The following ZDHHC2 variants were observed in gnomAD, a reference collection of about 807,000 sequenced individuals.
The protein encoded by ZDHHC2 is palmitoyltransferase ZDHHC2.
ZDHHC2 carries 51 observed loss-of-function variants against 55.6 expected under a neutral mutation model. The observed-to-expected ratio is 0.92, with a 90% CI of 0.73 to 1.16. The LOEUF (loss-of-function observed/expected upper bound fraction) is 1.16. ZDHHC2 is among the 50% of genes most tolerant of loss of function. ZDHHC2 has a pLI of 0.00. For missense variants in ZDHHC2, 491 were observed against 442.4 expected, an observed-to-expected ratio of 1.11 and a Z score of -0.99; for synonymous variants, 199 against 152.9, an observed-to-expected ratio of 1.30 and a Z score of -2.22.
chr8:17,186,873 A>G (rs1805739271), intron 3 of ZDHHC2, among the ~76,000 whole-genome samples: 1 of 152,204 alleles, frequency 6.6e-6, no homozygotes, highest in African/African-American at 2.4e-5. Flanking sequence ...CCAGGTGCCC[A>G]CACTCCTTCT....
At chr8:17,190,515 T>C (rs1429921995) in intron 3 of ZDHHC2, among the ~76,000 whole-genome samples, 2 of 152,160 alleles carry the variant, frequency 1.3e-5, no homozygotes, top group African/African-American at 2.4e-5. Flanking sequence ...ACTGAAAACA[T>C]GTGAATTAAA....
chr8:17,210,007 G>A lies in ZDHHC2; in HGVS notation c.806G>A (p.Arg269Gln), dbSNP rs567641948. ...AGCTTGGGTTTCAGTAAAAACATGC[G>A]ACAAGTTTTTGGTGATGAGAAGAAG... ...GFSLGFSKNM[R>Q]QVFGDEKKYW... The change falls in exon 9 of 13, where the codon CGA (arginine) becomes CAA (glutamine). Residue 269 changes from arginine to glutamine, a missense_variant. Coordinates refer to ENST00000262096, the MANE Select transcript of ZDHHC2 (RefSeq NM_016353.5). 2.1e-5 allele frequency: 34 copies of A among 1,609,852 alleles called. 1 individual carries two copies. Among genetic ancestry groups the A allele is most frequent in the Admixed American group, 1.5e-4 (9 of 59,472 alleles).
intron 6 of ZDHHC2, among the ~76,000 whole-genome samples, chr8:17,204,663 A>G (rs1807005968): frequency 6.6e-6 from 1 of 152,062 alleles, no homozygotes; most frequent in Non-Finnish European, 1.5e-5. Context: ...TTTTGGAGGG[A>G]GGAGGGTGGG....
At chr8:17,217,947 C>G (rs899736829) in intron 12 of ZDHHC2, among the ~76,000 whole-genome samples, 1 of 152,172 alleles carries the variant, frequency 6.6e-6, no homozygotes, top group Non-Finnish European at 1.5e-5. Context: ...AGCAAGATAA[C>G]TCTCTCTTTA....
At chr8:17,212,919 G>C (rs922203115) in intron 10 of ZDHHC2, among the ~76,000 whole-genome samples, 4 of 152,034 alleles carry the variant, frequency 2.6e-5, no homozygotes, top group Non-Finnish European at 5.9e-5. Flanking sequence ...CCGGAGTGCA[G>C]TTTTGTGATC....
At chr8:17,204,684 A>C (rs2959619) in intron 6 of ZDHHC2, among the ~76,000 whole-genome samples, 1 of 151,960 alleles carries the variant, frequency 6.6e-6, no homozygotes, top group Admixed American at 6.6e-5. Flanking sequence ...AGGAGGAAGA[A>C]GGCTAAGCAA....
intron 6 of ZDHHC2, among the ~76,000 whole-genome samples, chr8:17,203,420 C>T (rs113581960): frequency 3.3e-5 from 5 of 151,892 alleles, no homozygotes; most frequent in Non-Finnish European, 7.4e-5. Flanking sequence ...TTAGTAGAGA[C>T]GGGTTTTCAC....
At chr8:17,194,397 A>G (rs888661780) in intron 3 of ZDHHC2, among the ~76,000 whole-genome samples, 1 of 150,402 alleles carries the variant, frequency 6.6e-6, no homozygotes. Context: ...CACTACTTAA[A>G]GAATAATTAA....
chr8:17,156,887 C>T (rs1804080458), intron 1 of ZDHHC2, 34 bp downstream of exon 1: 2 of 1,473,464 alleles, frequency 1.4e-6, no homozygotes, highest in East Asian at 6.1e-5. Flanking sequence ...GCCCCCAGCG[C>T]AGCGCAGCCC....
At chr8:17,165,708 A>G (rs1743977823) in intron 1 of ZDHHC2, among the ~76,000 whole-genome samples, 1 of 152,222 alleles carries the variant, frequency 6.6e-6, no homozygotes, top group Admixed American at 6.5e-5. Flanking sequence ...ACAGTTTGTT[A>G]GAGGATCATC....
At chr8:17,211,962 T>G (rs1807406992) in intron 10 of ZDHHC2, among the ~76,000 whole-genome samples, 1 of 152,180 alleles carries the variant, frequency 6.6e-6, no homozygotes, top group Non-Finnish European at 1.5e-5. Flanking sequence ...TTTTGCCCTT[T>G]GTGTTTTTTT....
rs983418779 is a variant in ZDHHC2 at position 17,221,140 on chromosome 8, T to C, written c.*919T>C. On this transcript the variant is annotated 3_prime_UTR_variant, in exon 13 of 13. Transcript: ENST00000262096. ...TCAATAGATTTACCCTCCAGTGATA[T>C]CTATATTATTTCTTTCTCGTCTCAT... is the stretch of plus-strand genomic sequence containing the variant. 3 of 152,582 alleles carry C rather than the reference T, an allele frequency of 2.0e-5. No homozygotes were observed. Among genetic ancestry groups the C allele is most frequent in the African/African-American group, 7.2e-5 (3 of 41,450 alleles). 9.5% of individuals were successfully genotyped at this position (152,582 alleles called of 1,614,324 possible). A position where few individuals can be genotyped will look rare whatever the true frequency, so the allele number is the denominator to read the frequency against.
Position 17,190,069 on chromosome 8 carries a change from T to C in ZDHHC2, c.252+3644T>C, listed in dbSNP as rs987004118. ...CTTCAATTGAAGCATGGGGGAAAAA[T>C]AGCAAAAATTTTTTTACGTATTATT... On this transcript the variant is annotated intron_variant, in intron 3 of 12. Transcript: ENST00000262096. 8.5e-5 allele frequency among the ~76,000 whole-genome samples: 13 copies of C among 152,080 alleles called. 1 individual carries two copies. In the South Asian group the frequency reaches 2.3e-3, roughly 27 times the overall value.
At chr8:17,205,484 T>C (rs1304107469) in intron 6 of ZDHHC2, among the ~76,000 whole-genome samples, 171 bp from the exon 7 acceptor site, 5 of 152,208 alleles carry the variant, frequency 3.3e-5, no homozygotes, top group Non-Finnish European at 7.3e-5. Context: ...AAGCAGATTT[T>C]TTAGTGAAAT....
chr8:17,186,493 AC>A lies in ZDHHC2; in HGVS notation c.252+69del, dbSNP rs1490901197. The A allele has an allele frequency of 1.6e-4, 149 of 947,688 alleles. 1 individual carries two copies. In the South Asian group the frequency reaches 3.2e-3, roughly 20 times the overall value. The allele number at this position is 947,688 out of a possible 1,614,324, so 58.7% of individuals were successfully genotyped here. On this transcript the variant is annotated intron_variant, in intron 3 of 12. Transcript: ENST00000262096. The stretch of plus-strand genomic sequence containing the variant: ...AATAATACTGATGTATTATTGAAGA[AC>A]GAATTTTATTTTAATGTTGCAAACT...
intron 1 of ZDHHC2, among the ~76,000 whole-genome samples, chr8:17,164,084 G>A (rs1294577298): frequency 6.6e-6 from 1 of 152,110 alleles, no homozygotes; most frequent in Non-Finnish European, 1.5e-5. Context: ...TTCTTAAGAA[G>A]AATAGGATAG....
At chr8:17,170,304 C>T (rs1220624493) in intron 1 of ZDHHC2, among the ~76,000 whole-genome samples, 1 of 152,128 alleles carries the variant, frequency 6.6e-6, no homozygotes, top group Non-Finnish European at 1.5e-5. Context: ...ATATTGTGAC[C>T]CAGTGCTATC....
intron 8 of ZDHHC2, among the ~76,000 whole-genome samples, 164 bp from the exon 9 acceptor site, chr8:17,209,768 T>G (rs1807282859): frequency 6.6e-6 from 1 of 152,214 alleles, no homozygotes; most frequent in African/African-American, 2.4e-5. Flanking sequence ...TAAAACAGAA[T>G]GGACACCCTA....
chr8:17,204,807 A>T (rs1807014994), intron 6 of ZDHHC2, among the ~76,000 whole-genome samples: 1 of 152,182 alleles, frequency 6.6e-6, no homozygotes, highest in South Asian at 2.1e-4. Flanking sequence ...CCCAAAAATT[A>T]AAGTAAAATA....
Sources: gnomAD v4.1 joint callset for allele counts (sites outside exome capture counted in the v4.1 genomes callset) on GRCh38, gnomAD v4.1.1 for gene constraint, MANE v1.5 for transcripts, NCBI Gene and HGNC (gene_info 2026-07-23, HGNC 2026-07-21) for gene names.